The following RIPOR3 variants were observed in gnomAD, a reference collection of about 807,000 sequenced individuals.
RIPOR3 encodes the protein RIPOR family member 3.
RIPOR3 carries 95 observed loss-of-function variants against 114.3 expected under a neutral mutation model. That is an observed-to-expected ratio of 0.83 (90% CI 0.70 to 0.99). RIPOR3 has a LOEUF of 0.99. RIPOR3 is among the 50% of genes least tolerant of loss of function. RIPOR3 has a pLI of 0.00. For synonymous variants in RIPOR3, 575 were observed against 543.8 expected (o/e 1.06, Z -0.80); for missense variants, 1,252 against 1,266.9 (o/e 0.99, Z 0.18).
chr20:50,628,535 T>TCTGTCCCTTCCTGCCTCCACTCCCC (rs1472498509), intron 2 of RIPOR3, among the ~76,000 whole-genome samples: 1 of 151,994 alleles, frequency 6.6e-6, no homozygotes, highest in East Asian at 1.9e-4. Context: ...ATCCACTTCT[T>TCTGTCCCTTCCTGCCTCCACTCCCC]CTGTCCCTTC....
At chr20:50,591,444 G>C (rs994604422) in intron 19 of RIPOR3, among the ~76,000 whole-genome samples, 4 of 152,156 alleles carry the variant, frequency 2.6e-5, no homozygotes, top group African/African-American at 7.2e-5. Flanking sequence ...TTGGGCTTGG[G>C]TTATGGGTGC....
chr20:50,643,781 C>T (rs1322435949), intron 1 of RIPOR3, among the ~76,000 whole-genome samples: 2 of 149,524 alleles, frequency 1.3e-5, no homozygotes, highest in African/African-American at 4.9e-5. Flanking sequence ...TCTCGGCTCA[C>T]TGCAAGCTCC....
At chr20:50,659,303 T>C (rs2085918698) in intron 1 of RIPOR3, among the ~76,000 whole-genome samples, 1 of 152,034 alleles carries the variant, frequency 6.6e-6, no homozygotes, top group South Asian at 2.1e-4. Context: ...TCTGAATTTC[T>C]CCTCCTGAAT....
rs6096023 is a variant in RIPOR3 at position 50,606,983 on chromosome 20, G to A, written c.956+1406C>T. Among the ~76,000 whole-genome samples the A allele has an allele frequency of 9.0e-3, 1,367 of 152,256 alleles. 20 individuals carry two copies. The highest frequency in any genetic ancestry group is 0.031 in the African/African-American group (1,277 of 41,540). ...GACCTCGGGTGATCTGCCCACCTAC[G>A]CCTCTCAAAGTGCTGGGATTATAGG... is the stretch of plus-strand genomic sequence containing the variant. On this transcript the variant is annotated intron_variant, in intron 11 of 21. Transcript: ENST00000327979.
intron 1 of RIPOR3, among the ~76,000 whole-genome samples, chr20:50,649,453 A>C (rs2085525422): frequency 6.6e-6 from 1 of 152,064 alleles, no homozygotes; most frequent in East Asian, 1.9e-4. Context: ...AAAAAAGAAA[A>C]GATGTAGGCC....
At chr20:50,657,527 GA>G (rs995070968) in intron 1 of RIPOR3, among the ~76,000 whole-genome samples, 5 of 150,060 alleles carry the variant, frequency 3.3e-5, no homozygotes, top group Admixed American at 1.3e-4. Flanking sequence ...ACTCTTCTCA[GA>G]AAAAAAAAGA....
intron 1 of RIPOR3, chr20:50,653,832 C>G (rs1021541203): frequency 6.6e-6 from 1 of 152,044 alleles, no homozygotes; most frequent in African/African-American, 2.4e-5. Flanking sequence ...GTCAAACAAT[C>G]CATCCGCCTC....
intron 1 of RIPOR3, among the ~76,000 whole-genome samples, chr20:50,656,996 T>C (rs139214915): frequency 2.0e-3 from 307 of 152,350 alleles, no homozygotes; most frequent in Admixed American, 3.1e-3. Context: ...AGAAGTTAAA[T>C]TGTTGGTCAA....
intron 1 of RIPOR3, among the ~76,000 whole-genome samples, chr20:50,663,456 C>T (rs906811709): frequency 2.6e-5 from 4 of 152,170 alleles, no homozygotes; most frequent in African/African-American, 4.8e-5. Flanking sequence ...CCCAGTGCAG[C>T]GTCTGATCAT....
At chr20:50,668,452 C>G (rs1024737995) in intron 1 of RIPOR3, among the ~76,000 whole-genome samples, 5 of 152,172 alleles carry the variant, frequency 3.3e-5, no homozygotes, top group African/African-American at 9.7e-5. Flanking sequence ...CCTGCAGAGG[C>G]CCCAACCTTT....
At chr20:50,654,594 G>A (rs994285117) in intron 1 of RIPOR3, among the ~76,000 whole-genome samples, 2 of 151,948 alleles carry the variant, frequency 1.3e-5, no homozygotes, top group African/African-American at 4.8e-5. Context: ...CACATAGGAG[G>A]CACTCAGCAA....
At chr20:50,605,757 C>T (rs1399736399) in intron 11 of RIPOR3, among the ~76,000 whole-genome samples, 8 of 139,474 alleles carry the variant, frequency 5.7e-5, no homozygotes, top group Non-Finnish European at 1.2e-4. Flanking sequence ...CAGTCTGGGG[C>T]AACAGAGCAA....
At chr20:50,663,697 G>C (rs1287968773) in intron 1 of RIPOR3, among the ~76,000 whole-genome samples, 1 of 152,040 alleles carries the variant, frequency 6.6e-6, no homozygotes, top group Non-Finnish European at 1.5e-5. Context: ...GGGCAAGACT[G>C]AGCTGGCAGA....
At chr20:50,614,771 A>G (rs914780871) in intron 4 of RIPOR3, 1 of 168,600 alleles carries the variant, frequency 5.9e-6, no homozygotes, top group African/African-American at 2.4e-5. Context: ...AACCAATTTA[A>G]TGGGAGGCCG....
At chr20:50,638,613 T>C (rs1281945176) in intron 1 of RIPOR3, among the ~76,000 whole-genome samples, 1 of 151,676 alleles carries the variant, frequency 6.6e-6, no homozygotes, top group Non-Finnish European at 1.5e-5. Flanking sequence ...GGGGTGGCTG[T>C]GTGTCGGGGC....
intron 4 of RIPOR3, among the ~76,000 whole-genome samples, chr20:50,611,406 C>T (rs1161545027): frequency 2.0e-5 from 3 of 152,208 alleles, no homozygotes; most frequent in Non-Finnish European, 2.9e-5. Context: ...AACACATGCA[C>T]GTGGGATGAG....
At chr20:50,637,378 T>C (rs117270991) in intron 1 of RIPOR3, among the ~76,000 whole-genome samples, 3,493 of 152,172 alleles carry the variant, frequency 0.023, 53 homozygotes, top group Non-Finnish European at 0.024. Flanking sequence ...CTCTCCCAGC[T>C]TGCAGGCCTC....
At chr20:50,627,542 GC>G (rs1409354605) in intron 2 of RIPOR3, among the ~76,000 whole-genome samples, 1 of 150,226 alleles carries the variant, frequency 6.7e-6, no homozygotes, top group Non-Finnish European at 1.5e-5. Flanking sequence ...AATTAGCCGG[GC>G]GTGGTGGCAC....
At chr20:50,678,572 A>G (rs555223318) in intron 1 of RIPOR3, among the ~76,000 whole-genome samples, 19 of 152,350 alleles carry the variant, frequency 1.2e-4, no homozygotes, top group Admixed American at 7.2e-4. Context: ...GCTACAGGTT[A>G]TTCAATGCAG....
Sources: gnomAD v4.1 joint callset for allele counts (sites outside exome capture counted in the v4.1 genomes callset) on GRCh38, gnomAD v4.1.1 for gene constraint, MANE v1.5 for transcripts, NCBI Gene and HGNC (gene_info 2026-07-23, HGNC 2026-07-21) for gene names.